The following FGGY variants were observed in gnomAD, a reference collection of about 807,000 sequenced individuals.
FGGY encodes the protein FGGY carbohydrate kinase domain containing, also known as FGGY carbohydrate kinase domain-containing protein.
FGGY carries 72 observed loss-of-function variants against 71.3 expected under a neutral mutation model. That is an observed-to-expected ratio of 1.01 (90% CI 0.84 to 1.23). The LOEUF (loss-of-function observed/expected upper bound fraction) is 1.23. Among genes scored for constraint, FGGY ranks in the 50% most tolerant of loss-of-function variants. FGGY has a pLI of 0.00. For missense variants in FGGY, 668 were observed against 682.3 expected, an observed-to-expected ratio of 0.98 and a Z score of 0.23; for synonymous variants, 251 against 250.3, an observed-to-expected ratio of 1.00 and a Z score of -0.02.
chr1:59,599,740 G>A (rs1037572762), intron 8 of FGGY, among the ~76,000 whole-genome samples: 2 of 150,240 alleles, frequency 1.3e-5, no homozygotes, highest in Non-Finnish European at 3.0e-5. Flanking sequence ...GGGAAAGCGA[G>A]AGGGAGTGCC....
rs546390571 is a variant in FGGY, at chr1:59,694,182, G to A, written c.1512+20049G>A. On this transcript the variant is annotated intron_variant, in intron 14 of 15. Coordinates refer to ENST00000303721, the MANE Select transcript of FGGY (RefSeq NM_018291.5). ...CGGGCGCCTGTCGTCCCAGCTACTC[G>A]GGAGGCTGAGGCAGGAGAATGGCGT... is the stretch of plus-strand genomic sequence containing the variant. Among the ~76,000 whole-genome samples, 12 of 151,590 alleles carry A rather than the reference G, an allele frequency of 7.9e-5. 1 individual carries two copies. The highest frequency in any genetic ancestry group is 3.9e-4 in the Admixed American group (6 of 15,230).
At chr1:59,409,165 AT>A (rs945892985) in intron 5 of FGGY, among the ~76,000 whole-genome samples, 6 of 152,058 alleles carry the variant, frequency 3.9e-5, no homozygotes, top group Non-Finnish European at 7.4e-5. Context: ...TAGAATTATG[AT>A]TTTTTTCTTG....
intron 5 of FGGY, among the ~76,000 whole-genome samples, chr1:59,412,727 T>C (rs1218767671): frequency 1.3e-5 from 2 of 152,198 alleles, no homozygotes; most frequent in African/African-American, 2.4e-5. Flanking sequence ...CTTGATCTTA[T>C]AGAAGTTATT....
chr1:59,329,580 A>G (rs1286848416), intron 2 of FGGY, among the ~76,000 whole-genome samples: 1 of 152,154 alleles, frequency 6.6e-6, no homozygotes, highest in Non-Finnish European at 1.5e-5. Flanking sequence ...GGCTCATCTC[A>G]TGATGCTTCT....
intron 4 of FGGY, among the ~76,000 whole-genome samples, chr1:59,352,833 T>C (rs537646401): frequency 5.1e-4 from 77 of 152,336 alleles, no homozygotes; most frequent in African/African-American, 8.2e-4. Context: ...TAACACCTTT[T>C]CTCTATCTTA....
At chr1:59,712,435 C>T (rs911999283) in intron 14 of FGGY, among the ~76,000 whole-genome samples, 2 of 152,192 alleles carry the variant, frequency 1.3e-5, no homozygotes, top group African/African-American at 2.4e-5. Context: ...CTCCACTAGG[C>T]GGTACCCCAG....
At chr1:59,711,743 G>A (rs955005931) in intron 14 of FGGY, among the ~76,000 whole-genome samples, 1 of 152,100 alleles carries the variant, frequency 6.6e-6, no homozygotes, top group Non-Finnish European at 1.5e-5. Flanking sequence ...CAGATCTTGC[G>A]AGACCCATTC....
chr1:59,434,642 AT>A (rs1375051948), intron 5 of FGGY, among the ~76,000 whole-genome samples: 4 of 152,228 alleles, frequency 2.6e-5, no homozygotes, highest in African/African-American at 9.6e-5. Flanking sequence ...GCCCCAGTTT[AT>A]TCCATGTCTG....
Position 59,557,774 on chromosome 1 carries a change from C to T in FGGY, c.903+3547C>T, listed in dbSNP as rs900340901. ...CTGATCCTTGCCATTGTACTGACAT[C>T]CTTTTCTTGAGCTGTCAGGTTGGGT... On this transcript the variant is annotated intron_variant, in intron 8 of 15. Transcript: ENST00000303721. Among the ~76,000 whole-genome samples, 6 of 152,258 alleles carry T rather than the reference C, an allele frequency of 3.9e-5. No individual in the cohort carries two copies. In the East Asian group the frequency reaches 1.2e-3, roughly 29 times the overall value.
intron 5 of FGGY, among the ~76,000 whole-genome samples, chr1:59,403,649 T>G (rs2062294115): frequency 6.6e-6 from 1 of 152,112 alleles, no homozygotes; most frequent in South Asian, 2.1e-4. Context: ...TGAAAGACCT[T>G]GGTGCATCCA....
At chr1:59,664,150 CT>C in intron 12 of FGGY, among the ~76,000 whole-genome samples, 1 of 152,332 alleles carries the variant, frequency 6.6e-6, no homozygotes, top group Admixed American at 6.5e-5. Context: ...TTTGAAGTCT[CT>C]TGATTTGCAT....
chr1:59,386,401 G>A (rs835433), intron 5 of FGGY, among the ~76,000 whole-genome samples: 4,854 of 152,104 alleles, frequency 0.032, 265 homozygotes, highest in African/African-American at 0.11. Flanking sequence ...GTTTTTCGGA[G>A]GAAGACCATA....
chr1:59,497,038 A>G (rs184144259), intron 6 of FGGY, among the ~76,000 whole-genome samples: 31 of 152,356 alleles, frequency 2.0e-4, no homozygotes, highest in African/African-American at 7.5e-4. Context: ...CTGGGTGTGA[A>G]ACAGGTAAGC....
chr1:59,733,459 TTG>T (rs1202465259), intron 14 of FGGY, among the ~76,000 whole-genome samples: 1 of 118,384 alleles, frequency 8.4e-6, no homozygotes, highest in Non-Finnish European at 1.9e-5. Flanking sequence ...TTGTTTTGTT[TTG>T]TTTTTTTGTT....
chr1:59,715,483 C>T (rs926056609), intron 14 of FGGY, among the ~76,000 whole-genome samples: 55 of 152,244 alleles, frequency 3.6e-4, no homozygotes, highest in African/African-American at 1.3e-3. Context: ...ACTTGGTTCC[C>T]CTTGGGTCAA....
chr1:59,739,728 A>G (rs1194665078), intron 14 of FGGY, among the ~76,000 whole-genome samples: 1 of 152,006 alleles, frequency 6.6e-6, no homozygotes, highest in Non-Finnish European at 1.5e-5. Flanking sequence ...TACATGGTCA[A>G]TCTCCACGTG....
At chr1:59,453,687 G>A (rs2091415017) in intron 5 of FGGY, among the ~76,000 whole-genome samples, 1 of 152,062 alleles carries the variant, frequency 6.6e-6, no homozygotes, top group African/African-American at 2.4e-5. Context: ...TGATCTCATG[G>A]CAGTGCCAGA....
At chr1:59,403,675 G>C (rs995149133) in intron 5 of FGGY, among the ~76,000 whole-genome samples, 3 of 152,178 alleles carry the variant, frequency 2.0e-5, no homozygotes, top group African/African-American at 7.2e-5. Context: ...CGTTGGGCAC[G>C]TGAGTCTAGC....
intron 5 of FGGY, among the ~76,000 whole-genome samples, chr1:59,405,692 A>G (rs2062626518): frequency 6.6e-6 from 1 of 152,166 alleles, no homozygotes; most frequent in Non-Finnish European, 1.5e-5. Context: ...TCAGGAAGGT[A>G]ACTTGTATGA....
Sources: allele counts gnomAD v4.1 joint callset (sites outside exome capture counted in the v4.1 genomes callset), GRCh38; gene constraint gnomAD v4.1.1; transcripts MANE v1.5; gene names NCBI Gene and HGNC (gene_info 2026-07-23, HGNC 2026-07-21).